The following LARS2 variants were observed in gnomAD, a reference collection of about 807,000 sequenced individuals.
The protein encoded by LARS2 is leucine--tRNA ligase, mitochondrial.
Under a neutral mutation model 116.6 loss-of-function variants are expected in LARS2, and 81 were observed. The ratio of observed to expected loss-of-function variants is 0.69; its 90% CI spans 0.58 to 0.84. LARS2 has a LOEUF of 0.84. Ranked by LOEUF, LARS2 falls within the 40% of genes least tolerant of loss-of-function variation. The pLI is 0.00. For synonymous variants in LARS2, 396 were observed against 407.2 expected, an observed-to-expected ratio of 0.97 and a Z score of 0.33; for missense variants, 968 against 1,114.5, an observed-to-expected ratio of 0.87 and a Z score of 1.87.
At chr3:45,400,436 T>C (rs932273657) in intron 4 of LARS2, 63 bp downstream of exon 4, 7 of 1,518,810 alleles carry the variant, frequency 4.6e-6, no homozygotes, top group Admixed American at 2.2e-5. Context: ...CATGTAGTAA[T>C]ATGTGTTCAA....
intron 10 of LARS2, chr3:45,484,020 G>A (rs983844780): frequency 6.9e-6 from 1 of 144,794 alleles, no homozygotes; most frequent in Non-Finnish European, 1.5e-5. Flanking sequence ...GCAACATAGG[G>A]ACATCCTGGC....
At chr3:45,522,169 T>A (rs375620228) in intron 19 of LARS2, among the ~76,000 whole-genome samples, 10 of 152,332 alleles carry the variant, frequency 6.6e-5, no homozygotes, top group South Asian at 2.1e-4. Flanking sequence ...AATAGACTTT[T>A]ACACGCCAGT....
In LARS2 at chr3:45,511,006, C is replaced by T. The variant is rs555621366; in HGVS notation, c.1761-2129C>T. ...CTCTGTGCTTTCTGATTATATGGTA[C>T]GAAGAAGAATTCAGAGACTCGTTCT... is the stretch of plus-strand genomic sequence containing the variant. On this transcript the variant is annotated intron_variant, in intron 15 of 21. Transcript: ENST00000645846. Among the ~76,000 whole-genome samples the T allele has an allele frequency of 1.3e-3, 205 of 152,252 alleles. 1 individual carries two copies. Among genetic ancestry groups the T allele is most frequent in the Middle Eastern group, 3.4e-3 (1 of 294 alleles).
intron 10 of LARS2, among the ~76,000 whole-genome samples, chr3:45,483,450 A>G (rs1037803418): frequency 2.0e-5 from 3 of 152,154 alleles, no homozygotes; most frequent in Non-Finnish European, 4.4e-5. Flanking sequence ...GGAGTTCGAG[A>G]CCAGCCTGGC....
At chr3:45,393,900 A>C (rs1274356211) in intron 2 of LARS2, among the ~76,000 whole-genome samples, 1 of 152,232 alleles carries the variant, frequency 6.6e-6, no homozygotes, top group Non-Finnish European at 1.5e-5. Flanking sequence ...CTTCTAAATA[A>C]TGGTTATTTT....
At chr3:45,428,224 G>T (rs1316802367) in intron 6 of LARS2, among the ~76,000 whole-genome samples, 5 of 138,650 alleles carry the variant, frequency 3.6e-5, no homozygotes, top group Admixed American at 7.3e-5. Flanking sequence ...TAACAAAAAT[G>T]TACTATCTTA....
chr3:45,391,092 A>AT (rs1697938964), intron 1 of LARS2, among the ~76,000 whole-genome samples: 1 of 152,126 alleles, frequency 6.6e-6, no homozygotes, highest in South Asian at 2.1e-4. Context: ...TGATATACAG[A>AT]TTTTTTAGCA....
At chr3:45,477,213 A>G (rs2125720537) in intron 10 of LARS2, among the ~76,000 whole-genome samples, 1 of 152,352 alleles carries the variant, frequency 6.6e-6, no homozygotes, top group East Asian at 1.9e-4. Flanking sequence ...CTGTGGTTGC[A>G]AGCAACAGAT....
chr3:45,491,473 G>T, intron 12 of LARS2, 44 bp from the exon 13 acceptor site: 1 of 1,591,492 alleles, frequency 6.3e-7, no homozygotes, highest in South Asian at 1.1e-5. Context: ...GTGGTGACTG[G>T]TGCTATGCGG....
chr3:45,484,773 T>C (rs915091969), intron 10 of LARS2, among the ~76,000 whole-genome samples: 1 of 150,498 alleles, frequency 6.6e-6, no homozygotes, highest in Non-Finnish European at 1.5e-5. Context: ...ACATAAATAT[T>C]GTTCAACTGA....
At chr3:45,479,417 A>G (rs1180826619) in intron 10 of LARS2, among the ~76,000 whole-genome samples, 1 of 151,974 alleles carries the variant, frequency 6.6e-6, no homozygotes, top group Non-Finnish European at 1.5e-5. Context: ...GGCCCCCAGA[A>G]CAGCAGGGAT....
chr3:45,438,711 T>C (rs1487214175), intron 6 of LARS2, among the ~76,000 whole-genome samples: 1 of 150,592 alleles, frequency 6.6e-6, no homozygotes, highest in East Asian at 2.0e-4. Flanking sequence ...GGTGGGCTCC[T>C]GTAATCCCAG....
chr3:45,507,989 G>A (rs755706263), intron 15 of LARS2, among the ~76,000 whole-genome samples: 1 of 151,970 alleles, frequency 6.6e-6, no homozygotes, highest in Non-Finnish European at 1.5e-5. Context: ...TGAAAGAGAG[G>A]GGGCACATTA....
At position 45,549,173 on chromosome 3, in the gene LARS2, G is replaced by A. The variant is rs1011757555; in HGVS notation, c.*1643G>A. ...TTAAAACTCCACAAGTGATTCTAAT[G>A]GGCAGCAAAGTTTGAGAATCACTGG... On this transcript the variant is annotated 3_prime_UTR_variant, in exon 22 of 22. Coordinates refer to ENST00000645846, the MANE Select transcript of LARS2 (RefSeq NM_015340.4). The A allele has an allele frequency of 1.3e-5, 2 of 152,198 alleles. No individual in the cohort carries two copies. The highest frequency in any genetic ancestry group is 4.8e-5 in the African/African-American group (2 of 41,432). The allele number at this position is 152,198 out of a possible 1,614,324, so 9.4% of individuals were successfully genotyped here.
At chr3:45,479,300 A>G (rs1699661288) in intron 10 of LARS2, among the ~76,000 whole-genome samples, 1 of 152,114 alleles carries the variant, frequency 6.6e-6, no homozygotes, top group African/African-American at 2.4e-5. Context: ...CCTTGTGGGT[A>G]GAGAAGAAGC....
chr3:45,417,085 AAC>A, intron 4 of LARS2, among the ~76,000 whole-genome samples: 1 of 93,048 alleles, frequency 1.1e-5, no homozygotes. Flanking sequence ...AAAAAAAAAA[AAC>A]AAAAAAAAAA....
intron 6 of LARS2, among the ~76,000 whole-genome samples, chr3:45,443,245 T>C (rs1196761911): frequency 1.3e-5 from 2 of 152,244 alleles, no homozygotes; most frequent in Admixed American, 6.5e-5. Flanking sequence ...AGTGAAAATA[T>C]GAAAATAGAC....
At chr3:45,400,695 GTAT>G (rs1698131846) in intron 4 of LARS2, among the ~76,000 whole-genome samples, 1 of 152,206 alleles carries the variant, frequency 6.6e-6, no homozygotes, top group African/African-American at 2.4e-5. Context: ...GAGAATCATT[GTAT>G]ATAACGAACT....
At chr3:45,469,822 C>A (rs1353429737) in intron 8 of LARS2, among the ~76,000 whole-genome samples, 2 of 151,926 alleles carry the variant, frequency 1.3e-5, no homozygotes, top group Non-Finnish European at 2.9e-5. Context: ...GTGCCTCCCC[C>A]CCCACCAAAA....
Sources: allele counts gnomAD v4.1 joint callset (sites outside exome capture counted in the v4.1 genomes callset), GRCh38; gene constraint gnomAD v4.1.1; transcripts MANE v1.5; gene names NCBI Gene and HGNC (gene_info 2026-07-23, HGNC 2026-07-21).